The following HRNR variants were observed in gnomAD, a reference collection of about 807,000 sequenced individuals.
HRNR encodes filaggrin family member 3.
A neutral mutation model predicts 4.8 loss-of-function variants in HRNR; 7 were observed. That is an observed-to-expected ratio of 1.47 (90% confidence interval 0.83 to 2.75). The LOEUF (loss-of-function observed/expected upper bound fraction) is 2.75. HRNR is among the 30% of genes most tolerant of loss of function. The probability of loss-of-function intolerance (pLI) is 0.00; values close to 1 mark genes in which losing one functional copy is unlikely to be tolerated. For synonymous variants in HRNR, 1,023 were observed against 1,242.7 expected (o/e 0.82, Z 3.72); for missense variants, 2,879 against 3,010.4 (o/e 0.96, Z 1.02).
chr1:152,219,355 G>C lies in HRNR; in HGVS notation c.2274C>G (p.Gly758=). Reference sequence around the variant, plus strand: ...GGCCGTGGCCCGAAGATTGATGGGAGCCCGACCCATGCTGACCATAGCTGG... The same window carrying C: ...GGCCGTGGCCCGAAGATTGATGGGACCCCGACCCATGCTGACCATAGCTGG... ...LSSSYGQHGS[G]SHQSSGHGRQ... Residue 758 remains glycine, a synonymous_variant, in exon 3 of 3, where the codon GGC becomes GGG. Transcript: ENST00000368801. 6.2e-7 allele frequency: 1 copy of C among 1,613,962 alleles called. No individual in the cohort carries two copies. Among genetic ancestry groups the C allele is most frequent in the South Asian group, 1.1e-5 (1 of 91,070 alleles).
chr1:152,222,328 T>C (rs1649027428), intron 2 of HRNR, among the ~76,000 whole-genome samples: 1 of 152,214 alleles, frequency 6.6e-6, no homozygotes, highest in South Asian at 2.1e-4. Context: ...TAAGGAACTT[T>C]GTACTTCATT....
rs762659006 is a variant in HRNR at position 152,221,009 on chromosome 1, T to A, written c.620A>T (p.Gln207Leu). ...AGACTGTCCGGAGCCAGAGCCGTGTTGGCCATAGTTGGGAGACTGCCCTGA... is the reference window on the plus strand; with the variant it reads ...AGACTGTCCGGAGCCAGAGCCGTGTAGGCCATAGTTGGGAGACTGCCCTGA... ...SGSGQSPNYG[Q>L]HGSGSGQSSS... Residue 207 changes from glutamine (Q) to leucine (L), a missense_variant, in exon 3 of 3, where the codon CAA becomes CTA. Physicochemically the swap from Gln to Leu is moderately radical, Grantham distance 113. Transcript: ENST00000368801. 6.2e-7 allele frequency: 1 copy of A among 1,614,136 alleles called. No homozygotes were observed. The highest frequency in any genetic ancestry group is 1.1e-5 in the South Asian group (1 of 91,090).
rs148249273 is a variant in HRNR at position 152,220,176 on chromosome 1, A to T, written c.1453T>A (p.Ser485Thr). The T allele has an allele frequency of 1.3e-4, 202 of 1,613,196 alleles. No homozygotes were observed. In the African/African-American group the frequency reaches 2.6e-3, roughly 20 times the overall value. The change falls in exon 3 of 3, where the codon TCA (serine) becomes ACA (threonine). Residue 485 changes from serine to threonine, a missense_variant. This residue lies in a region of HRNR where 2,646 missense variants were observed against 1,377.7 expected (regional missense o/e 1.92). Coordinates refer to ENST00000368801, the MANE Select transcript of HRNR (RefSeq NM_001009931.3). ...SSGYTQHGSG[S>T]GHSSGHGQHG... is the part of the protein sequence containing the mutation. The stretch of plus-strand genomic sequence containing the variant: ...TGTCCGTGGCCGGAGGAGTGACCTG[A>T]GCCAGATCCATGCTGAGTGTAACCA...
rs1423703690 is a variant in HRNR, at chr1:152,218,196, C to T, written c.3433G>A (p.Gly1145Arg). The T allele has an allele frequency of 2.9e-6, 4 of 1,399,398 alleles. No homozygotes were observed. Among genetic ancestry groups the T allele is most frequent in the Non-Finnish European group, 3.9e-6 (4 of 1,012,664 alleles). 86.7% of individuals were successfully genotyped at this position (1,399,398 alleles called of 1,614,324 possible). A position where few individuals can be genotyped will look rare whatever the true frequency, so the allele number is the denominator to read the frequency against. The change falls in exon 3 of 3, where the codon GGG becomes AGG. Residue 1145 changes from glycine to arginine, a missense_variant. Gly to Arg is a moderately radical substitution (Grantham distance 125). This residue lies in a region of HRNR where 26 missense variants were observed against 79.4 expected (regional missense o/e 0.33). Transcript: ENST00000368801. ...SRQSPSYGRH[G>R]SGSGRSSSSG... ...CTGGAAGACCGACCGGAGCCAGACC[C>T]ATGTCGGCCGTAGCTGGGAGACTGC...
rs1256588029 is a variant in HRNR at position 152,220,010 on chromosome 1, G to C, written c.1619C>G (p.Ser540Cys). The change falls in exon 3 of 3, where the codon TCT (serine) becomes TGT (cysteine). Residue 540 changes from serine (S) to cysteine (C), a missense_variant. Around this residue, in one of 8 missense-constraint regions of HRNR, gnomAD observed 2,646 missense variants for 1,377.7 expected, o/e 1.92. Transcript: ENST00000368801. ...ATGTCGGCCACGGCTAGGGCTAGGA[G>C]ACTGGCCAGATCCAGACCCATGTCG... is the stretch of plus-strand genomic sequence containing the variant. ...HSRHGSGSGQ[S>C]PSPSRGRHES... 1 of 1,614,030 alleles carries C rather than the reference G, an allele frequency of 6.2e-7. No homozygotes were observed.
rs762355090 is a variant in HRNR at position 152,219,155 on chromosome 1, C to T, written c.2474G>A (p.Gly825Glu). 5.6e-6 allele frequency: 9 copies of T among 1,613,620 alleles called. No homozygotes were observed. The highest frequency in any genetic ancestry group is 7.6e-6 in the Non-Finnish European group (9 of 1,179,966). Residue 825 changes from glycine to glutamate, a missense_variant, in exon 3 of 3, where the codon GGA becomes GAA. This residue lies in a region of HRNR where 2,646 missense variants were observed against 1,377.7 expected (regional missense o/e 1.92). Transcript: ENST00000368801. The part of the protein sequence containing the change: ...SGFGQHESGS[G>E]QGYSQHGSAS... ...AGAACCATGCTGACTATAGCCCTGTCCTGAGCCAGACTCGTGTTGCCCAAA... is the reference window on the plus strand; with the variant it reads ...AGAACCATGCTGACTATAGCCCTGTTCTGAGCCAGACTCGTGTTGCCCAAA...
At chr1:152,222,163 A>T (rs1649024507) in intron 2 of HRNR, among the ~76,000 whole-genome samples, 1 of 152,188 alleles carries the variant, frequency 6.6e-6, no homozygotes, top group Non-Finnish European at 1.5e-5. Context: ...TTCTAGGCAG[A>T]GGGAATTATA....
chr1:152,219,044 C>T lies in HRNR; in HGVS notation c.2585G>A (p.Gly862Asp). 6.2e-7 allele frequency: 1 copy of T among 1,613,614 alleles called. No individual in the cohort carries two copies. Among genetic ancestry groups the T allele is most frequent in the Non-Finnish European group, 8.5e-7 (1 of 1,179,936 alleles). Reference sequence around the variant, plus strand: ...ATGCTGACCATAGCTGGAAGATTGACCTGAGCTAGAGTCATGTTGGCCGGA... The same window carrying T: ...ATGCTGACCATAGCTGGAAGATTGATCTGAGCTAGAGTCATGTTGGCCGGA... ...SSSGQHDSSSGQSSSYGQHES... is the reference protein window; with the variant it reads ...SSSGQHDSSSDQSSSYGQHES... The change falls in exon 3 of 3, where the codon GGT becomes GAT. Residue 862 changes from glycine (G) to aspartate (D), a missense_variant. Gly to Asp is a moderately conservative substitution (Grantham distance 94, BLOSUM62 -1). Transcript: ENST00000368801.
rs1648962385 is a variant in HRNR at position 152,220,877 on chromosome 1, G to C, written c.752C>G (p.Ser251Ter). The change falls in exon 3 of 3, where the codon TCA (serine) becomes TGA (stop). Residue 251 changes from serine (S) to a stop codon, truncating the protein, a stop_gained. Transcript: ENST00000368801. LOFTEE classifies it low-confidence loss of function (END_TRUNC). ...TTGTCCGTAGCCAGAGGAGTGACCT[G>C]AGCCAGATCCATGCTGACTGTAACC... ...SSGYSQHGSG[S>*]GHSSGYGQHG... 6.2e-7 allele frequency: 1 copy of C among 1,614,118 alleles called. No homozygotes were observed. The highest frequency in any genetic ancestry group is 8.5e-7 in the Non-Finnish European group (1 of 1,180,018).
Position 152,220,812 on chromosome 1 carries a change from G to A in HRNR, c.817C>T (p.His273Tyr), listed in dbSNP as rs754531667. 1.9e-6 allele frequency: 3 copies of A among 1,613,944 alleles called. No homozygotes were observed. The highest frequency in any genetic ancestry group is 3.3e-5 in the Admixed American group (2 of 60,014). Residue 273 changes from histidine to tyrosine, a missense_variant, in exon 3 of 3, where the codon CAC becomes TAC. Around this residue, in one of 8 missense-constraint regions of HRNR, gnomAD observed 2,646 missense variants for 1,377.7 expected, o/e 1.92. Transcript: ENST00000368801. Reference sequence around the variant, plus strand: ...GAAGACGAACCTGAGCTAGATCTGTGTCGTTCACCCCTAGATGACTGTCCT... The same window carrying A: ...GAAGACGAACCTGAGCTAGATCTGTATCGTTCACCCCTAGATGACTGTCCT... ...RSGQSSRGERHRSSSGSSSSY... is the reference protein window; with the variant it reads ...RSGQSSRGERYRSSSGSSSSY...
Position 152,218,708 on chromosome 1 carries a change from C to T in HRNR, c.2921G>A (p.Gly974Glu). 3 of 1,613,564 alleles carry T rather than the reference C, an allele frequency of 1.9e-6. No homozygotes were observed. The highest frequency in any genetic ancestry group is 1.3e-5 in the African/African-American group (1 of 74,782). ...GCTGGAAGACGAACCTGAGCTAGAT[C>T]CATGTTGTTCGCTCCTAGATGACTG... Reference protein sequence around the residue: ...SGQSSRSEQHGSSSGSSSSYG... With the variant: ...SGQSSRSEQHESSSGSSSSYG... Residue 974 changes from glycine to glutamate, a missense_variant, in exon 3 of 3, where the codon GGA (glycine) becomes GAA (glutamate). Around this residue, in one of 8 missense-constraint regions of HRNR, gnomAD observed 2,646 missense variants for 1,377.7 expected, o/e 1.92. Coordinates refer to ENST00000368801, the MANE Select transcript of HRNR (RefSeq NM_001009931.3).
chr1:152,220,264 A>G lies in HRNR; in HGVS notation c.1365T>C (p.Tyr455=), dbSNP rs1274358178. ...GFGRSSSSGP[Y]VSGSGYSSGF... ...CAGAAGAGTAGCCTGAACCAGACAC[A>G]TATGGGCCACTGCTGGAAGATCGAC... The change falls in exon 3 of 3, where the codon TAT becomes TAC. Residue 455 remains tyrosine (Y), a synonymous_variant. Coordinates refer to ENST00000368801, the MANE Select transcript of HRNR (RefSeq NM_001009931.3). 8.1e-6 allele frequency: 13 copies of G among 1,613,898 alleles called. No homozygotes were observed. In the Middle Eastern group the frequency reaches 4.9e-4, roughly 61 times the overall value.
chr1:152,220,912 C>A lies in HRNR; in HGVS notation c.717G>T (p.Gly239=). 6.2e-7 allele frequency: 1 copy of A among 1,613,856 alleles called. No homozygotes were observed. Among genetic ancestry groups the A allele is most frequent in the Non-Finnish European group, 8.5e-7 (1 of 1,179,946 alleles). Residue 239 remains glycine (G), a synonymous_variant, in exon 3 of 3, where the codon GGG becomes GGT. Coordinates refer to ENST00000368801, the MANE Select transcript of HRNR (RefSeq NM_001009931.3). ...CATGCTGACTGTAACCAGAGGACTG[C>A]CCTGAGCTAGACTTGTGTTGACTAA... The part of the protein sequence containing the change: ...SGFSQHKSSS[G]QSSGYSQHGS...
intron 1 of HRNR, 138 bp from the exon 2 acceptor site, chr1:152,223,416 C>T: frequency 1.7e-6 from 1 of 594,134 alleles, no homozygotes; most frequent in Non-Finnish European, 2.8e-6. Context: ...AATCAAGAAC[C>T]AATTCAGAGT....
In HRNR at chr1:152,221,251, A is replaced by G; in HGVS notation, c.378T>C (p.Ser126=). ...CTGCACTCCAACTTGAATGACTAAA[A>G]GAGGATTCTTGCCGTTTGTTCTCCT... is the stretch of plus-strand genomic sequence containing the variant. ...EKEENKRQES[S]FSHSSWSAGE... The change falls in exon 3 of 3, where the codon TCT becomes TCC. Residue 126 remains serine (S), a synonymous_variant. Coordinates refer to ENST00000368801, the MANE Select transcript of HRNR (RefSeq NM_001009931.3). The G allele has an allele frequency of 1.9e-6, 3 of 1,614,096 alleles. No homozygotes were observed. Among genetic ancestry groups the G allele is most frequent in the South Asian group, 1.1e-5 (1 of 91,084 alleles).
rs758218278 is a variant in HRNR, at chr1:152,219,838, G to A, written c.1791C>T (p.Tyr597=). ...QESRSGQSSG[Y]GQHGSSSGHS... ...GACCCGAGCTAGATCCGTGTTGACCGTAGCCAGAGGACTGTCCTGAGCGAG... is the reference window on the plus strand; with the variant it reads ...GACCCGAGCTAGATCCGTGTTGACCATAGCCAGAGGACTGTCCTGAGCGAG... The change falls in exon 3 of 3, where the codon TAC becomes TAT. Residue 597 remains tyrosine, a synonymous_variant. Transcript: ENST00000368801. 83 of 1,611,816 alleles carry A rather than the reference G, an allele frequency of 5.1e-5. No homozygotes were observed. The highest frequency in any genetic ancestry group is 1.6e-4 in the Middle Eastern group (1 of 6,070).
rs760657358 is a variant in HRNR, at chr1:152,219,067, G to C, written c.2562C>G (p.Ser854=). The C allele has an allele frequency of 1.2e-6, 2 of 1,612,174 alleles. No individual in the cohort carries two copies. The highest frequency in any genetic ancestry group is 1.7e-6 in the Non-Finnish European group (2 of 1,179,486). The stretch of plus-strand genomic sequence containing the variant: ...GACCTGAGCTAGAGTCATGTTGGCC[G>C]GAGCTTGATGACTGCCCTGACGTAG... The part of the protein sequence containing the change: ...HGSTSGQSSS[S]GQHDSSSGQS... Residue 854 remains serine, a synonymous_variant, in exon 3 of 3, where the codon TCC becomes TCG. Transcript: ENST00000368801.
At position 152,221,201 on chromosome 1, in the gene HRNR, T is replaced by C; in HGVS notation, c.428A>G (p.Asn143Ser). The change falls in exon 3 of 3, where the codon AAC (asparagine) becomes AGC (serine). Residue 143 changes from asparagine to serine, a missense_variant. Physicochemically the swap from Asn to Ser is conservative, Grantham distance 46 (BLOSUM62 1). Transcript: ENST00000368801. ...CCCAGGTTTAAGACTTCCTCTGACG[T>C]TTCTGGAATAGGAATCATTCTCTCC... is the stretch of plus-strand genomic sequence containing the variant. ...SAGENDSYSR[N>S]VRGSLKPGTE... 2 of 1,614,076 alleles carry C rather than the reference T, an allele frequency of 1.2e-6. No homozygotes were observed. The highest frequency in any genetic ancestry group is 1.7e-6 in the Non-Finnish European group (2 of 1,180,026).
At position 152,220,540 on chromosome 1, in the gene HRNR, C is replaced by G; in HGVS notation, c.1089G>C (p.Lys363Asn). The G allele has an allele frequency of 1.2e-6, 2 of 1,611,642 alleles. No homozygotes were observed. The highest frequency in any genetic ancestry group is 1.7e-6 in the Non-Finnish European group (2 of 1,178,388). Residue 363 changes from lysine to asparagine, a missense_variant, in exon 3 of 3, where the codon AAG becomes AAC. By Grantham distance (94) the Lys-to-Asn change is moderately conservative (BLOSUM62 0). Transcript: ENST00000368801. Reference sequence around the variant, plus strand: ...AGGAGTGACCTGAGCCAGAACCATGCTTACTATAGCCAGAGGACTGTCCTG... The same window carrying G: ...AGGAGTGACCTGAGCCAGAACCATGGTTACTATAGCCAGAGGACTGTCCTG... ...SGSGQSSGYSKHGSGSGHSSS... is the reference protein window; with the variant it reads ...SGSGQSSGYSNHGSGSGHSSS...
Sources: allele counts gnomAD v4.1 joint callset (sites outside exome capture counted in the v4.1 genomes callset), GRCh38; gene constraint gnomAD v4.1.1; regional missense constraint gnomAD v4.1.1; transcripts MANE v1.5; gene names NCBI Gene and HGNC (gene_info 2026-07-23, HGNC 2026-07-21).